Variants in GARNL3 observed in about 807,000 individuals in gnomAD.
GARNL3 encodes the protein GTPase activating Rap/RanGAP domain like 3, also known as GTPase-activating Rap/Ran-GAP domain-like protein 3.
A neutral mutation model predicts 125.0 loss-of-function variants in GARNL3; 63 were observed. The ratio of observed to expected loss-of-function variants is 0.50; its 90% CI spans 0.41 to 0.62. The LOEUF (loss-of-function observed/expected upper bound fraction) is 0.62, where lower values mean the gene tolerates loss of function less well. GARNL3 is among the 20% of genes least tolerant of loss of function. GARNL3 has a pLI of 0.00. For missense variants in GARNL3, 994 were observed against 1,244.0 expected, an observed-to-expected ratio of 0.80 and a Z score of 3.02; for synonymous variants, 439 against 457.5, an observed-to-expected ratio of 0.96 and a Z score of 0.52.
intron 13 of GARNL3, among the ~76,000 whole-genome samples, chr9:127,340,423 G>A (rs1180519697): frequency 1.3e-5 from 2 of 152,040 alleles, no homozygotes. Context: ...TCAGAAACAA[G>A]TTACTCGGGT....
intron 2 of GARNL3, among the ~76,000 whole-genome samples, chr9:127,246,718 A>G (rs1007075492): frequency 6.6e-6 from 1 of 152,078 alleles, no homozygotes; most frequent in Non-Finnish European, 1.5e-5. Context: ...GAGGCAGGAG[A>G]ATCACTTTAG....
At chr9:127,297,339 A>T (rs555186057) in intron 2 of GARNL3, among the ~76,000 whole-genome samples, 1 of 152,184 alleles carries the variant, frequency 6.6e-6, no homozygotes, top group South Asian at 2.1e-4. Context: ...GGGTTTTGCC[A>T]TGTTGCCCAG....
intron 21 of GARNL3, among the ~76,000 whole-genome samples, chr9:127,359,251 C>T (rs571564728): frequency 2.6e-5 from 4 of 152,246 alleles, no homozygotes; most frequent in Non-Finnish European, 5.9e-5. Flanking sequence ...GCACTTTGGG[C>T]GGCCAAGGCC....
chr9:127,296,821 T>C (rs1208065052), intron 2 of GARNL3, among the ~76,000 whole-genome samples: 1 of 151,942 alleles, frequency 6.6e-6, no homozygotes, highest in Non-Finnish European at 1.5e-5. Context: ...GCCTCAATCT[T>C]CAAACCCTCT....
intron 8 of GARNL3, 75 bp downstream of exon 8, chr9:127,332,424 A>G (rs1472784676): frequency 8.5e-7 from 1 of 1,181,582 alleles, no homozygotes; most frequent in East Asian, 2.3e-5. Flanking sequence ...GTTGGAGCTT[A>G]ACTTGTCTGT....
chr9:127,335,429 T>C (rs1342383782), intron 10 of GARNL3, 96 bp downstream of exon 10: 9 of 990,820 alleles, frequency 9.1e-6, no homozygotes, highest in South Asian at 2.7e-5. Context: ...GGTTAACATA[T>C]GAGCTGAGCT....
intron 25 of GARNL3, 47 bp downstream of exon 25, chr9:127,387,378 A>C (rs1353276431): frequency 6.6e-7 from 1 of 1,522,468 alleles, no homozygotes; most frequent in African/African-American, 1.4e-5. Context: ...AATTCACTCT[A>C]ATTTCTCTAG....
chr9:127,277,726 C>T (rs1038182623), intron 1 of GARNL3, among the ~76,000 whole-genome samples: 2 of 152,014 alleles, frequency 1.3e-5, no homozygotes, highest in Non-Finnish European at 2.9e-5. Flanking sequence ...CTGAGACTTC[C>T]TTATACTTTT....
chr9:127,243,331 T>TATTCTTCCTAA, intron 2 of GARNL3: 1 of 1,147,896 alleles, frequency 8.7e-7, no homozygotes, highest in Non-Finnish European at 1.2e-6. Context: ...AGGAAGAATA[T>TATTCTTCCTAA]ACTTTTTACT....
chr9:127,259,959 G>T (rs551100851), upstream of GARNL3, among the ~76,000 whole-genome samples: 1 of 152,296 alleles, frequency 6.6e-6, no homozygotes, highest in East Asian at 1.9e-4. Flanking sequence ...CTTAAACCCA[G>T]GAGTTCAAGC....
rs1829417581 is a variant in GARNL3 at position 127,334,108 on chromosome 9, C to T, written c.769+987C>T. 2.0e-5 allele frequency among the ~76,000 whole-genome samples: 3 copies of T among 152,162 alleles called. No homozygotes were observed. The South Asian group carries it at 6.2e-4, about 32-fold the overall frequency. ...CTTGAAGACACTTCAGGGTTTCTGC[C>T]CTGGGTAGCTGGGTGGGGTTGGCAC... is the stretch of plus-strand genomic sequence containing the variant. On this transcript the variant is annotated intron_variant, in intron 9 of 27. Transcript: ENST00000373387.
intron 1 of GARNL3, among the ~76,000 whole-genome samples, chr9:127,281,279 G>T (rs1011946657): frequency 1.3e-5 from 2 of 152,182 alleles, no homozygotes; most frequent in Admixed American, 6.5e-5. Flanking sequence ...CCATGGAGTT[G>T]GGAGGTATTC....
At chr9:127,231,046 A>ATG (rs1400588484) in intron 1 of GARNL3, among the ~76,000 whole-genome samples, 1 of 45,250 alleles carries the variant, frequency 2.2e-5, no homozygotes, top group Non-Finnish European at 3.9e-5. Context: ...ATATATATAT[A>ATG]TATATTTTTT....
intron 25 of GARNL3, 136 bp from the exon 26 acceptor site, chr9:127,388,768 C>G (rs911274319): frequency 4.7e-6 from 3 of 644,976 alleles, no homozygotes; most frequent in South Asian, 1.9e-5. Context: ...GGCCAGCCCT[C>G]CCAGTGGGAC....
chr9:127,365,414 T>A, intron 22 of GARNL3, 48 bp downstream of exon 22: 1 of 1,366,728 alleles, frequency 7.3e-7, no homozygotes, highest in Non-Finnish European at 1.0e-6. Flanking sequence ...ATGGACTGCT[T>A]TTTTTTTTTC....
intron 5 of GARNL3, among the ~76,000 whole-genome samples, chr9:127,318,715 A>G (rs996953206): frequency 6.6e-6 from 1 of 151,900 alleles, no homozygotes; most frequent in East Asian, 1.9e-4. Context: ...AGCCTCCCCT[A>G]GGGAATGCCG....
intron 7 of GARNL3, among the ~76,000 whole-genome samples, chr9:127,327,817 T>A (rs1181670448): frequency 6.6e-6 from 1 of 152,152 alleles, no homozygotes; most frequent in East Asian, 1.9e-4. Flanking sequence ...GGTAAAAATT[T>A]GAAAAAGAAA....
At chr9:127,243,561 C>A (rs942313929) in intron 2 of GARNL3, among the ~76,000 whole-genome samples, 1 of 152,164 alleles carries the variant, frequency 6.6e-6, no homozygotes, top group Admixed American at 6.5e-5. Context: ...TAAATACTAG[C>A]AATTTGTAAT....
intron 1 of GARNL3, among the ~76,000 whole-genome samples, chr9:127,270,108 G>A (rs1048059316): frequency 6.6e-6 from 1 of 152,126 alleles, no homozygotes; most frequent in Non-Finnish European, 1.5e-5. Flanking sequence ...TCTATATGGT[G>A]TGAGGTAAGA....
Sources: allele counts gnomAD v4.1 joint callset (sites outside exome capture counted in the v4.1 genomes callset), GRCh38; gene constraint gnomAD v4.1.1; transcripts MANE v1.5; gene names NCBI Gene and HGNC (gene_info 2026-07-23, HGNC 2026-07-21).